Variants in IQSEC3 observed in about 807,000 individuals in gnomAD.
IQSEC3 encodes the protein IQ motif and Sec7 domain ArfGEF 3, also known as IQ motif and SEC7 domain-containing protein 3.
A neutral mutation model predicts 105.4 loss-of-function variants in IQSEC3; 50 were observed. That is an observed-to-expected ratio of 0.47 (90% confidence interval 0.38 to 0.60). IQSEC3 has a LOEUF of 0.60. Among genes scored for constraint, IQSEC3 ranks in the 20% least tolerant of loss-of-function variants. IQSEC3 has a pLI of 0.00. For missense variants in IQSEC3, 1,415 were observed against 1,630.0 expected (o/e 0.87, Z 2.27); for synonymous variants, 708 against 746.0 (o/e 0.95, Z 0.83).
At chr12:94,524 G>A (rs1290749637) in intron 1 of IQSEC3, among the ~76,000 whole-genome samples, 1 of 152,240 alleles carries the variant, frequency 6.6e-6, no homozygotes, top group Non-Finnish European at 1.5e-5. Flanking sequence ...GGATGGAGGA[G>A]CGCAGAGGCA....
In IQSEC3 at chr12:132,985, G is replaced by T. The variant is rs374649443; in HGVS notation, c.904-5282G>T. ...CACTTAATAGATATGAAAACTGAGA[G>T]TCAAAGATGTTAAATTCATCCAAGT... is the stretch of plus-strand genomic sequence containing the variant. On this transcript the variant is annotated intron_variant, in intron 3 of 13. Transcript: ENST00000538872. Among the ~76,000 whole-genome samples, 5 of 152,274 alleles carry T rather than the reference G, an allele frequency of 3.3e-5. No individual in the cohort carries two copies. In the East Asian group the frequency reaches 7.7e-4, roughly 23 times the overall value.
At chr12:174,345 A>T (rs564076609) in intron 13 of IQSEC3, among the ~76,000 whole-genome samples, 1 of 152,108 alleles carries the variant, frequency 6.6e-6, no homozygotes, top group South Asian at 2.1e-4. Context: ...CATCTCACAG[A>T]TGAAGAGACT....
chr12:128,891 G>C (rs1221516675), intron 3 of IQSEC3, among the ~76,000 whole-genome samples: 1 of 152,166 alleles, frequency 6.6e-6, no homozygotes, highest in Non-Finnish European at 1.5e-5. Flanking sequence ...CGGTGTGCAG[G>C]ACAGAGGCCT....
intron 1 of IQSEC3, among the ~76,000 whole-genome samples, chr12:96,770 T>C (rs1351629850): frequency 6.6e-6 from 1 of 152,220 alleles, no homozygotes; most frequent in Non-Finnish European, 1.5e-5. Flanking sequence ...TATGGAGGCA[T>C]GTCCTACCCC....
At chr12:119,441 C>G (rs534885002) in intron 2 of IQSEC3, among the ~76,000 whole-genome samples, 8 of 152,308 alleles carry the variant, frequency 5.3e-5, no homozygotes, top group Admixed American at 5.2e-4. Flanking sequence ...GCCCTGAGCC[C>G]TTAGCAAAGG....
chr12:97,650 T>A (rs1864280735), intron 1 of IQSEC3, among the ~76,000 whole-genome samples: 1 of 152,130 alleles, frequency 6.6e-6, no homozygotes, highest in African/African-American at 2.4e-5. Context: ...CCTCTATCTC[T>A]ATGAAATTTT....
At position 138,296 on chromosome 12, in the gene IQSEC3, T is replaced by A; in HGVS notation, c.933T>A (p.Gly311=). The A allele has an allele frequency of 6.2e-7, 1 of 1,613,766 alleles. No homozygotes were observed. Among genetic ancestry groups the A allele is most frequent in the Non-Finnish European group, 8.5e-7 (1 of 1,179,836 alleles). Residue 311 remains glycine (G), a synonymous_variant, in exon 4 of 14, where the codon GGT becomes GGA. Coordinates refer to ENST00000538872, the MANE Select transcript of IQSEC3 (RefSeq NM_001170738.2). The surrounding 1 kb of genome is among the most constrained non-coding windows in gnomAD (Gnocchi z 7.1). ...AAATGCTAGAACATAAGTACGGCGGTCACCTGGTGTCCCGGCGCGCCGCTT... is the reference window on the plus strand; with the variant it reads ...AAATGCTAGAACATAAGTACGGCGGACACCTGGTGTCCCGGCGCGCCGCTT... ...QIEMLEHKYG[G]HLVSRRAACT... is the part of the protein sequence containing the mutation.
chr12:171,398 G>A lies in IQSEC3; in HGVS notation c.3114+237G>A, dbSNP rs1006951596. ...CCCTTTCCCCAGCCTGCTGCCCTCC[G>A]AGGCCGAGCTCCCAGACTAACACAG... On this transcript the variant is annotated intron_variant, in intron 13 of 13. Transcript: ENST00000538872. The A allele has an allele frequency of 2.5e-5, 34 of 1,378,470 alleles. No homozygotes were observed. In the East Asian group the frequency reaches 4.3e-4, roughly 18 times the overall value. The allele number at this position is 1,378,470 out of a possible 1,614,324, so 85.4% of individuals were successfully genotyped here.
At chr12:159,181 T>G (rs535284728) in intron 7 of IQSEC3, among the ~76,000 whole-genome samples, 1 of 152,346 alleles carries the variant, frequency 6.6e-6, no homozygotes, top group South Asian at 2.1e-4. Context: ...TCTTTCCATT[T>G]GCTTAACTCT....
intron 2 of IQSEC3, among the ~76,000 whole-genome samples, chr12:117,459 TGCCTGAGGAG>T (rs1257811480): frequency 1.3e-5 from 2 of 152,190 alleles, no homozygotes; most frequent in African/African-American, 4.8e-5. Context: ...AGGGAGGCGG[TGCCTGAGGAG>T]GCCTGAGGAA....
intron 2 of IQSEC3, among the ~76,000 whole-genome samples, chr12:104,257 C>G (rs1440851166): frequency 6.6e-6 from 1 of 152,132 alleles, no homozygotes; most frequent in Non-Finnish European, 1.5e-5. Flanking sequence ...TGGAGCTGGA[C>G]AGTGAACCCA....
chr12:98,963 T>C (rs782407795), intron 1 of IQSEC3, among the ~76,000 whole-genome samples, 183 bp from the exon 2 acceptor site: 1 of 152,172 alleles, frequency 6.6e-6, no homozygotes, highest in Non-Finnish European at 1.5e-5. Context: ...AGGCCTCTGA[T>C]GGACAGAGCA....
rs1279212823 is a variant in IQSEC3 at position 174,848 on chromosome 12, ACCTCGTCGT to A, written c.3369_3377del (p.Ser1124_Ser1126del). On this transcript the variant is annotated inframe_deletion, in exon 14 of 14. Coordinates refer to ENST00000538872, the MANE Select transcript of IQSEC3 (RefSeq NM_001170738.2). ...GCTGAGCCAGGCTCTCTCCTGCTAC[ACCTCGTCGT>A]CCTCTGACTCCTGCGGCTCCACACC... The A allele has an allele frequency of 6.3e-7, 1 of 1,578,506 alleles. No individual in the cohort carries two copies. The highest frequency in any genetic ancestry group is 1.3e-5 in the African/African-American group (1 of 74,434).
chr12:114,131 T>C (rs1864980291), intron 2 of IQSEC3, among the ~76,000 whole-genome samples: 1 of 152,192 alleles, frequency 6.6e-6, no homozygotes, highest in African/African-American at 2.4e-5. Flanking sequence ...GTGTCCAGCA[T>C]CTAGTAAGGA....
chr12:98,186 T>C (rs1864298854), intron 1 of IQSEC3, among the ~76,000 whole-genome samples: 1 of 152,180 alleles, frequency 6.6e-6, no homozygotes, highest in Admixed American at 6.5e-5. Context: ...TCGGTGTATC[T>C]TTATCCAAAA....
At chr12:171,404 G>A (rs571069266) in intron 13 of IQSEC3, 131 of 1,316,648 alleles carry the variant, frequency 9.9e-5, no homozygotes, top group Middle Eastern at 1.8e-4. Context: ...CTCCGAGGCC[G>A]AGCTCCCAGA....
chr12:157,604 G>C lies in IQSEC3; in HGVS notation c.2353G>C (p.Ala785Pro). The C allele has an allele frequency of 1.2e-6, 2 of 1,614,146 alleles. No homozygotes were observed. The highest frequency in any genetic ancestry group is 1.7e-6 in the Non-Finnish European group (2 of 1,180,014). The part of the protein sequence containing the change: ...NPDTIFILAF[A>P]IILLNTDMYS... ...CGACACCATCTTCATCCTCGCCTTCGCCATCATCCTCCTCAACACCGACAT... is the reference window on the plus strand; with the variant it reads ...CGACACCATCTTCATCCTCGCCTTCCCCATCATCCTCCTCAACACCGACAT... The change falls in exon 7 of 14, where the codon GCC (alanine) becomes CCC (proline). Residue 785 changes from alanine to proline, a missense_variant. Physicochemically the swap from Ala to Pro is conservative, Grantham distance 27 (BLOSUM62 -1). Transcript: ENST00000538872.
intron 1 of IQSEC3, among the ~76,000 whole-genome samples, chr12:88,630 A>T (rs967454417): frequency 1.3e-5 from 2 of 152,176 alleles, no homozygotes; most frequent in Non-Finnish European, 2.9e-5. Context: ...CCAACAGGCC[A>T]ATGTTTTCTA....
intron 1 of IQSEC3, among the ~76,000 whole-genome samples, chr12:74,268 A>G (rs1863433901): frequency 6.6e-6 from 1 of 152,298 alleles, no homozygotes; most frequent in Non-Finnish European, 1.5e-5. Flanking sequence ...CAGAAAGCTG[A>G]AAAGAACAGC....
Sources: allele counts gnomAD v4.1 joint callset (sites outside exome capture counted in the v4.1 genomes callset), GRCh38; gene constraint gnomAD v4.1.1; non-coding constraint Gnocchi (gnomAD v3.1); transcripts MANE v1.5; gene names NCBI Gene and HGNC (gene_info 2026-07-23, HGNC 2026-07-21).